Variants in CTNNA3 observed in about 807,000 individuals in gnomAD.
CTNNA3 encodes the protein catenin alpha-3.
CTNNA3 carries 76 observed loss-of-function variants against 95.7 expected under a neutral mutation model. The ratio of observed to expected loss-of-function variants is 0.79; its 90% CI spans 0.66 to 0.96. The LOEUF is 0.96. CTNNA3 is among the 40% of genes least tolerant of loss of function. The pLI is 0.00. For synonymous variants in CTNNA3, 431 were observed against 374.4 expected (o/e 1.15, Z -1.74); for missense variants, 1,191 against 1,089.8 (o/e 1.09, Z -1.31).
chr10:66,636,075 T>G (rs948979512), intron 9 of CTNNA3, among the ~76,000 whole-genome samples: 1 of 151,458 alleles, frequency 6.6e-6, no homozygotes, highest in Admixed American at 6.6e-5. Context: ...TATGTATATA[T>G]GAAGTCCGAG....
chr10:66,919,895 T>C (rs1001176950), intron 7 of CTNNA3, among the ~76,000 whole-genome samples: 2 of 152,186 alleles, frequency 1.3e-5, no homozygotes, highest in African/African-American at 4.8e-5. Flanking sequence ...TATTGTTGGG[T>C]CACAAACATT....
intron 5 of CTNNA3, among the ~76,000 whole-genome samples, chr10:67,249,698 G>A (rs1175823340): frequency 6.6e-6 from 1 of 152,162 alleles, no homozygotes; most frequent in Non-Finnish European, 1.5e-5. Context: ...ATTAAAGGTG[G>A]CAGGTGACAG....
chr10:66,493,727 T>A (rs1228536207), intron 11 of CTNNA3, among the ~76,000 whole-genome samples: 2 of 149,084 alleles, frequency 1.3e-5, no homozygotes, highest in Admixed American at 1.3e-4. Flanking sequence ...CGCCTCAGCC[T>A]CCCAAGTAGC....
chr10:66,871,466 G>T (rs535702085), intron 7 of CTNNA3, among the ~76,000 whole-genome samples: 1 of 150,480 alleles, frequency 6.6e-6, no homozygotes, highest in Non-Finnish European at 1.5e-5. Context: ...GGAGGCTGAC[G>T]CAGGAGAATC....
intron 5 of CTNNA3, among the ~76,000 whole-genome samples, chr10:67,398,702 C>A (rs1183153877): frequency 6.6e-6 from 1 of 152,096 alleles, no homozygotes; most frequent in Admixed American, 6.5e-5. Context: ...ATAATCCCCA[C>A]GTGTCATGGG....
chr10:66,003,383 A>G (rs141482213), intron 15 of CTNNA3, among the ~76,000 whole-genome samples: 239 of 151,806 alleles, frequency 1.6e-3, no homozygotes, highest in Middle Eastern at 6.8e-3. Context: ...CCTCAAATTC[A>G]CTACTACTTT....
chr10:66,661,829 G>T (rs908690856), intron 9 of CTNNA3, among the ~76,000 whole-genome samples: 2 of 152,116 alleles, frequency 1.3e-5, no homozygotes, highest in African/African-American at 2.4e-5. Flanking sequence ...GATGGCAAAA[G>T]CAGCAAGGTA....
At chr10:65,994,101 C>G (rs1027714823) in intron 15 of CTNNA3, among the ~76,000 whole-genome samples, 1 of 152,126 alleles carries the variant, frequency 6.6e-6, no homozygotes, top group African/African-American at 2.4e-5. Flanking sequence ...TTATTTCTGT[C>G]ATTTTGTAAA....
intron 1 of CTNNA3, among the ~76,000 whole-genome samples, chr10:67,676,916 G>A (rs745510224): frequency 2.5e-4 from 38 of 152,234 alleles, no homozygotes; most frequent in Middle Eastern, 3.4e-3. Flanking sequence ...GGCCACAAGG[G>A]GGGTTCTAGT....
intron 5 of CTNNA3, among the ~76,000 whole-genome samples, chr10:67,232,557 T>C (rs950583985): frequency 2.6e-5 from 4 of 151,982 alleles, no homozygotes; most frequent in African/African-American, 9.7e-5. Flanking sequence ...TGCAAAATCA[T>C]GCCAAAATGT....
intron 13 of CTNNA3, among the ~76,000 whole-genome samples, chr10:66,278,493 G>A (rs1589022170): frequency 6.6e-6 from 1 of 151,936 alleles, no homozygotes; most frequent in Non-Finnish European, 1.5e-5. Context: ...GAAAATTACT[G>A]CTCTCAAAGG....
intron 11 of CTNNA3, among the ~76,000 whole-genome samples, chr10:66,485,355 G>A (rs551369947): frequency 7.9e-5 from 12 of 152,100 alleles, no homozygotes; most frequent in African/African-American, 2.4e-4. Context: ...TTTCACACTT[G>A]AAAACAACCT....
chr10:65,920,051 G>A lies in CTNNA3; in HGVS notation c.*279C>T. 1 of 434,954 alleles carries A rather than the reference G, an allele frequency of 2.3e-6. No homozygotes were observed. Among genetic ancestry groups the A allele is most frequent in the South Asian group, 2.8e-5 (1 of 36,218 alleles). 26.9% of individuals were successfully genotyped at this position (434,954 alleles called of 1,614,324 possible). The stretch of plus-strand genomic sequence containing the variant: ...TCCTGTGTTTATTTGGTAACGAATA[G>A]TAGATAATCTCTATGATGGGAAACG... On this transcript the variant is annotated 3_prime_UTR_variant, in exon 18 of 18. Coordinates refer to ENST00000433211, the MANE Select transcript of CTNNA3 (RefSeq NM_013266.4).
intron 17 of CTNNA3, among the ~76,000 whole-genome samples, chr10:65,959,082 C>G (rs866236052): frequency 6.6e-6 from 1 of 152,206 alleles, no homozygotes; most frequent in African/African-American, 2.4e-5. Context: ...CTACTCAAGC[C>G]TCAGCAATGG....
At chr10:67,630,192 A>G (rs1839096072) in intron 2 of CTNNA3, among the ~76,000 whole-genome samples, 1 of 152,202 alleles carries the variant, frequency 6.6e-6, no homozygotes, top group African/African-American at 2.4e-5. Context: ...GGCAAAGGGA[A>G]TGTAATAGTT....
At chr10:67,582,896 G>A (rs1417221143) in intron 3 of CTNNA3, among the ~76,000 whole-genome samples, 1 of 151,196 alleles carries the variant, frequency 6.6e-6, no homozygotes, top group African/African-American at 2.4e-5. Context: ...GCCTTTTTTT[G>A]TTTTCCATTT....
At chr10:66,253,319 A>G (rs1589858864) in intron 13 of CTNNA3, among the ~76,000 whole-genome samples, 2 of 152,066 alleles carry the variant, frequency 1.3e-5, no homozygotes, top group Admixed American at 6.5e-5. Context: ...AAGACAATAC[A>G]TCTCTTCAAA....
intron 5 of CTNNA3, among the ~76,000 whole-genome samples, chr10:67,354,691 T>C (rs186928779): frequency 9.2e-5 from 14 of 152,148 alleles, no homozygotes; most frequent in African/African-American, 3.4e-4. Flanking sequence ...AAAGTATCCA[T>C]ATTAATAAGG....
intron 17 of CTNNA3, among the ~76,000 whole-genome samples, chr10:65,929,575 T>C (rs555830178): frequency 7.2e-5 from 11 of 151,734 alleles, no homozygotes; most frequent in Admixed American, 2.0e-4. Flanking sequence ...TTCTTTCTTT[T>C]TTTTTTTTTT....
Sources: allele counts gnomAD v4.1 joint callset (sites outside exome capture counted in the v4.1 genomes callset), GRCh38; gene constraint gnomAD v4.1.1; transcripts MANE v1.5; gene names NCBI Gene and HGNC (gene_info 2026-07-23, HGNC 2026-07-21).